The following TMEM74 variants were observed in gnomAD, a reference collection of about 807,000 sequenced individuals.
TMEM74 encodes the protein transmembrane protein 74.
Under a neutral mutation model 18.1 loss-of-function variants are expected in TMEM74, and 13 were observed. That is an observed-to-expected ratio of 0.72 (90% CI 0.47 to 1.14). TMEM74 has a LOEUF of 1.14. TMEM74 is among the 50% of genes most tolerant of loss of function. TMEM74 has a pLI of 0.00. For synonymous variants in TMEM74, 159 were observed against 146.6 expected, an observed-to-expected ratio of 1.08 and a Z score of -0.61; for missense variants, 372 against 375.9, an observed-to-expected ratio of 0.99 and a Z score of 0.09.
At chr8:108,729,815 G>C (rs1334601249) in intron 1 of TMEM74, among the ~76,000 whole-genome samples, 6 of 152,216 alleles carry the variant, frequency 3.9e-5, no homozygotes, top group South Asian at 4.1e-4. Context: ...TATAAAAATG[G>C]AAGTCATTTT....
intron 1 of TMEM74, among the ~76,000 whole-genome samples, chr8:108,687,312 T>G (rs895235633): frequency 2.6e-5 from 4 of 151,412 alleles, no homozygotes; most frequent in African/African-American, 9.7e-5. Flanking sequence ...TAATAATTTC[T>G]GCACAAGGAA....
chr8:108,665,517 A>G (rs1354497423), intron 1 of TMEM74, among the ~76,000 whole-genome samples: 2 of 152,150 alleles, frequency 1.3e-5, no homozygotes, highest in Admixed American at 6.6e-5. Flanking sequence ...CTGAGTACAT[A>G]AATAGCCTAA....
At chr8:108,669,769 G>A (rs1376076677) in intron 1 of TMEM74, among the ~76,000 whole-genome samples, 8 of 152,104 alleles carry the variant, frequency 5.3e-5, no homozygotes, top group Non-Finnish European at 1.2e-4. Context: ...CAGGCATGGT[G>A]GCTCACGCCA....
At chr8:108,715,121 T>C (rs1563533448) in intron 1 of TMEM74, among the ~76,000 whole-genome samples, 2 of 152,214 alleles carry the variant, frequency 1.3e-5, no homozygotes, top group Non-Finnish European at 2.9e-5. Context: ...ACCTGCTTTT[T>C]AATTTTCTTT....
At chr8:108,716,684 C>T (rs991825674) in intron 1 of TMEM74, among the ~76,000 whole-genome samples, 2 of 151,046 alleles carry the variant, frequency 1.3e-5, no homozygotes, top group African/African-American at 4.9e-5. Flanking sequence ...AGAAAATCAT[C>T]AAAGAGAACT....
At chr8:108,755,662 A>C (rs1349310031) in intron 1 of TMEM74, among the ~76,000 whole-genome samples, 2 of 152,082 alleles carry the variant, frequency 1.3e-5, no homozygotes, top group African/African-American at 4.8e-5. Context: ...TTGCTTTTTT[A>C]ATGATGTTTA....
chr8:108,740,339 G>A (rs374860121), intron 1 of TMEM74, among the ~76,000 whole-genome samples: 49 of 152,224 alleles, frequency 3.2e-4, no homozygotes, highest in African/African-American at 1.2e-3. Flanking sequence ...GAAGCTACTA[G>A]GCTTCTAATG....
chr8:108,782,110 A>G lies in TMEM74; in HGVS notation c.*2071T>C, dbSNP rs1814314297. On this transcript the variant is annotated 3_prime_UTR_variant, in exon 2 of 2. Transcript: ENST00000297459. ...TTTTAATGCCTTCTTTTTTTAACAC[A>G]CAGCTCAGACCTACTCACTCAGCAG... Among the ~76,000 whole-genome samples, 4 of 152,128 alleles carry G rather than the reference A, an allele frequency of 2.6e-5. No homozygotes were observed. In the South Asian group the frequency reaches 8.3e-4, roughly 32 times the overall value.
At chr8:108,675,207 T>C (rs1337738228) in intron 1 of TMEM74, among the ~76,000 whole-genome samples, 4 of 152,210 alleles carry the variant, frequency 2.6e-5, no homozygotes, top group Non-Finnish European at 5.9e-5. Flanking sequence ...ACCTTTTGTT[T>C]ATGGTGTCAT....
At chr8:108,731,724 TCTGATA>T in intron 1 of TMEM74, among the ~76,000 whole-genome samples, 1 of 152,158 alleles carries the variant, frequency 6.6e-6, no homozygotes, top group Admixed American at 6.5e-5. Flanking sequence ...GTCAGTTTTG[TCTGATA>T]TTTAAAAAAA....
chr8:108,622,348 A>G (rs1007021796), intron 2 of TMEM74, among the ~76,000 whole-genome samples: 3 of 152,126 alleles, frequency 2.0e-5, no homozygotes, highest in Non-Finnish European at 4.4e-5. Context: ...ATGAAGAGAC[A>G]GATTCAAAGA....
In TMEM74 at chr8:108,689,717, C is replaced by T. The variant is rs192312894; in HGVS notation, n.120-34280G>A. Among the ~76,000 whole-genome samples the T allele has an allele frequency of 7.1e-4, 108 of 152,266 alleles. 1 individual carries two copies. The highest frequency in any genetic ancestry group is 1.0e-3 in the Admixed American group (16 of 15,294). ...CCATTTGTGCGACCAACACATATGGCTTTCTTCCAGGCTGATGATGGCTTT... is the reference window on the plus strand; with the variant it reads ...CCATTTGTGCGACCAACACATATGGTTTTCTTCCAGGCTGATGATGGCTTT... On this transcript the variant is annotated intron_variant and non_coding_transcript_variant, in intron 1 of 3. Coordinates refer to the TMEM74 transcript ENST00000518838.
At chr8:108,664,191 A>C (rs1051027510) in intron 1 of TMEM74, among the ~76,000 whole-genome samples, 1 of 40,648 alleles carries the variant, frequency 2.5e-5, no homozygotes, top group African/African-American at 6.8e-5. Flanking sequence ...TAGGAATAGC[A>C]CTGAAGCTGT....
chr8:108,734,082 G>C (rs1448348126), intron 1 of TMEM74, among the ~76,000 whole-genome samples: 2 of 152,186 alleles, frequency 1.3e-5, no homozygotes, highest in Non-Finnish European at 2.9e-5. Flanking sequence ...ATTGGCATGT[G>C]AGTCAGAAGC....
intron 1 of TMEM74, among the ~76,000 whole-genome samples, chr8:108,767,945 A>C (rs917383725): frequency 8.5e-5 from 13 of 152,088 alleles, no homozygotes; most frequent in Admixed American, 8.5e-4. Context: ...AAATCAAATG[A>C]TACGCTTCCA....
intron 1 of TMEM74, among the ~76,000 whole-genome samples, chr8:108,719,227 A>C (rs1262217640): frequency 4.6e-5 from 7 of 152,126 alleles, no homozygotes; most frequent in African/African-American, 1.7e-4. Context: ...ACAAACATTT[A>C]CAAAAATGGG....
rs1384481281 is a variant in TMEM74 at position 108,783,749 on chromosome 8, A to G, written c.*432T>C. The G allele has an allele frequency of 6.6e-6, 1 of 152,628 alleles. No homozygotes were observed. Among genetic ancestry groups the G allele is most frequent in the South Asian group, 2.1e-4 (1 of 4,840 alleles). 9.5% of individuals were successfully genotyped at this position (152,628 alleles called of 1,614,324 possible). The stretch of plus-strand genomic sequence containing the variant: ...AAGAAAATGGATAAGCACCTTTGAG[A>G]ATTAGATGTAAGCCTTATTATTGAT... On this transcript the variant is annotated 3_prime_UTR_variant, in exon 2 of 2. Transcript: ENST00000297459.
intron 1 of TMEM74, among the ~76,000 whole-genome samples, chr8:108,732,124 A>G (rs1170510340): frequency 6.6e-6 from 1 of 152,202 alleles, no homozygotes. Flanking sequence ...GGCAGTGAAC[A>G]GTTGGAAATT....
downstream of TMEM74, among the ~76,000 whole-genome samples, chr8:108,775,635 A>C (rs1205046541): frequency 3.9e-5 from 6 of 152,166 alleles, no homozygotes; most frequent in Admixed American, 1.3e-4. Flanking sequence ...AACAGCTTTG[A>C]CCTTATAATG....
Sources: gnomAD v4.1 joint callset for allele counts (sites outside exome capture counted in the v4.1 genomes callset) on GRCh38, gnomAD v4.1.1 for gene constraint, MANE v1.5 for transcripts, NCBI Gene and HGNC (gene_info 2026-07-23, HGNC 2026-07-21) for gene names.